Variants in LMBR1 observed in about 807,000 individuals in gnomAD.
LMBR1 encodes the protein limb region 1 protein homolog.
In LMBR1, 52 loss-of-function variants were observed where a neutral mutation model predicts 73.9. The observed-to-expected ratio is 0.70, with a 90% CI of 0.56 to 0.89. The LOEUF is 0.89. Ranked by LOEUF, LMBR1 falls within the 40% of genes least tolerant of loss-of-function variation. LMBR1 has a pLI of 0.00. For missense variants in LMBR1, 539 were observed against 579.8 expected (o/e 0.93, Z 0.72); for synonymous variants, 215 against 209.4 (o/e 1.03, Z -0.23).
chr7:156,733,109 C>T (rs1817169662), intron 10 of LMBR1, among the ~76,000 whole-genome samples: 1 of 152,190 alleles, frequency 6.6e-6, no homozygotes, highest in African/African-American at 2.4e-5. Context: ...CGCACCATTG[C>T]ACTCTAGCCT....
intron 4 of LMBR1, among the ~76,000 whole-genome samples, 178 bp from the exon 5 acceptor site, chr7:156,796,670 T>G (rs905866565): frequency 6.6e-6 from 1 of 152,238 alleles, no homozygotes; most frequent in Non-Finnish European, 1.5e-5. Context: ...CATTGTAACT[T>G]GTACCTATTG....
intron 9 of LMBR1, among the ~76,000 whole-genome samples, chr7:156,748,814 C>T (rs1001141957): frequency 6.6e-6 from 1 of 152,024 alleles, no homozygotes; most frequent in Admixed American, 6.6e-5. Context: ...TATAGAATAA[C>T]TCTCTCTATA....
chr7:156,725,476 C>CA lies in LMBR1; in HGVS notation c.1116dup (p.Gly373TrpfsTer9), dbSNP rs772394262. 5.0e-6 allele frequency: 8 copies of CA among 1,609,662 alleles called. No individual in the cohort carries two copies. Among genetic ancestry groups the CA allele is most frequent in the African/African-American group, 2.7e-5 (2 of 74,522 alleles). ...TCATCTTTCTTGGGAGTAAAGTTTC[C>CA]AAAAAATCGAAGGCTATAGAAGCCG... On this transcript the variant is annotated frameshift_variant, in exon 14 of 17. Transcript: ENST00000353442. LOFTEE classifies it high-confidence loss of function.
At chr7:156,808,778 TC>T (rs1832593024) in intron 4 of LMBR1, among the ~76,000 whole-genome samples, 1 of 152,170 alleles carries the variant, frequency 6.6e-6, no homozygotes, top group South Asian at 2.1e-4. Flanking sequence ...CGCCTTTAAC[TC>T]ATCACAATCT....
chr7:156,704,356 AT>A (rs1173846028), intron 15 of LMBR1, among the ~76,000 whole-genome samples: 5 of 152,180 alleles, frequency 3.3e-5, no homozygotes, highest in Admixed American at 3.3e-4. Context: ...AGCCAAAGAA[AT>A]CATGCAGCGT....
In LMBR1 at chr7:156,725,426, C is replaced by T; in HGVS notation, c.1158+9G>A. On this transcript the variant is annotated intron_variant, in intron 14 of 16. Transcript: ENST00000353442. ...CGAGAGGCCACAGTCACCTAAGATT[C>T]TACCTTACCTTTGTCATAGTTGTGT... 6.4e-7 allele frequency: 1 copy of T among 1,566,220 alleles called. No individual in the cohort carries two copies.
chr7:156,827,038 G>A (rs1440653047), intron 3 of LMBR1, among the ~76,000 whole-genome samples: 1 of 152,068 alleles, frequency 6.6e-6, no homozygotes, highest in East Asian at 1.9e-4. Context: ...AGAAAAAATT[G>A]TAGTTCATTC....
rs1817412411 is a variant in LMBR1, at chr7:156,734,174, T to C, written c.838+3A>G. 1.3e-6 allele frequency: 2 copies of C among 1,579,594 alleles called. No homozygotes were observed. Among genetic ancestry groups the C allele is most frequent in the Non-Finnish European group, 1.7e-6 (2 of 1,158,464 alleles). On this transcript the variant is annotated splice_donor_region_variant and intron_variant, in intron 10 of 16. Coordinates refer to ENST00000353442, the MANE Select transcript of LMBR1 (RefSeq NM_022458.4). Reference sequence around the variant, plus strand: ...ACAAGTCAAGAAAAAAAAAGTACAATACCTAATTTTGTCTTAAGAGTCTTT... The same window carrying C: ...ACAAGTCAAGAAAAAAAAAGTACAACACCTAATTTTGTCTTAAGAGTCTTT...
intron 10 of LMBR1, among the ~76,000 whole-genome samples, chr7:156,730,666 C>T (rs901512487): frequency 6.6e-6 from 1 of 152,168 alleles, no homozygotes; most frequent in Non-Finnish European, 1.5e-5. Context: ...AGGCCAGGCA[C>T]GGTGGCTCAC....
At chr7:156,825,901 T>G (rs118111514) in intron 4 of LMBR1, among the ~76,000 whole-genome samples, 1 of 152,260 alleles carries the variant, frequency 6.6e-6, no homozygotes, top group Non-Finnish European at 1.5e-5. Flanking sequence ...GTACTTGACA[T>G]AGAGTGTTTT....
chr7:156,877,971 A>T (rs1800461958), intron 1 of LMBR1, among the ~76,000 whole-genome samples: 1 of 152,144 alleles, frequency 6.6e-6, no homozygotes, highest in African/African-American at 2.4e-5. Context: ...ATCTAAATAG[A>T]CACAGAAAAA....
chr7:156,786,366 C>T (rs978098066), intron 5 of LMBR1, among the ~76,000 whole-genome samples: 1 of 151,996 alleles, frequency 6.6e-6, no homozygotes, highest in Non-Finnish European at 1.5e-5. Context: ...TTCAAAAATA[C>T]GTTTAATAAT....
chr7:156,710,951 G>T (rs187131218), intron 15 of LMBR1, among the ~76,000 whole-genome samples: 176 of 152,078 alleles, frequency 1.2e-3, no homozygotes, highest in African/African-American at 4.1e-3. Context: ...GAAAAATAAA[G>T]AAATATCTAG....
chr7:156,820,190 T>C (rs181916044), intron 4 of LMBR1, among the ~76,000 whole-genome samples: 72 of 152,262 alleles, frequency 4.7e-4, no homozygotes, highest in African/African-American at 1.6e-3. Flanking sequence ...CAGATGTGGC[T>C]TCATTGCCTG....
Position 156,727,965 on chromosome 7 carries a change from A to G in LMBR1, c.958T>C (p.Leu320=). The change falls in exon 12 of 17, where the codon TTG becomes CTG. Residue 320 remains leucine (L), a synonymous_variant. Transcript: ENST00000353442. ...TTTGGCATTGCTGTTTCATCAACCA[A>G]TAGGCAAAGAATATTACAAGCCACC... is the stretch of plus-strand genomic sequence containing the variant. ...LLVACNILCL[L]VDETAMPKGT... is the part of the protein sequence containing the mutation. The G allele has an allele frequency of 1.2e-6, 2 of 1,613,590 alleles. No individual in the cohort carries two copies. Among genetic ancestry groups the G allele is most frequent in the Non-Finnish European group, 1.7e-6 (2 of 1,179,788 alleles).
chr7:156,698,767 G>A (rs528287422), intron 15 of LMBR1, among the ~76,000 whole-genome samples: 9 of 152,262 alleles, frequency 5.9e-5, no homozygotes, highest in African/African-American at 1.4e-4. Context: ...AGGGGCTGCC[G>A]TAAAGGTTTC....
chr7:156,795,758 G>A (rs1011951893), intron 5 of LMBR1, among the ~76,000 whole-genome samples: 7 of 152,060 alleles, frequency 4.6e-5, no homozygotes, highest in South Asian at 2.1e-4. Flanking sequence ...TCACTGTGTT[G>A]CCCAAACTGG....
intron 1 of LMBR1, among the ~76,000 whole-genome samples, chr7:156,839,067 T>G (rs1586148764): frequency 7.9e-6 from 1 of 125,800 alleles, no homozygotes; most frequent in South Asian, 2.5e-4. Flanking sequence ...TTTTTTTTTT[T>G]GGACAGAGTT....
At chr7:156,761,740 G>T (rs1193754210) in intron 8 of LMBR1, among the ~76,000 whole-genome samples, 2 of 152,120 alleles carry the variant, frequency 1.3e-5, no homozygotes, top group African/African-American at 2.4e-5. Flanking sequence ...ACTTTGGGAG[G>T]CCGAGGTGGG....
Sources: allele counts gnomAD v4.1 joint callset (sites outside exome capture counted in the v4.1 genomes callset), GRCh38; gene constraint gnomAD v4.1.1; transcripts MANE v1.5; gene names NCBI Gene and HGNC (gene_info 2026-07-23, HGNC 2026-07-21).